KLRD1: variants seen among roughly 807,000 people sequenced by gnomAD.
KLRD1 encodes the protein natural killer cells antigen CD94.
A neutral mutation model predicts 22.6 loss-of-function variants in KLRD1; 21 were observed. That is an observed-to-expected ratio of 0.93 (90% CI 0.66 to 1.34). The LOEUF (loss-of-function observed/expected upper bound fraction) is 1.34. KLRD1 is among the 40% of genes most tolerant of loss of function. The pLI, the probability that KLRD1 is intolerant of heterozygous loss-of-function variation, is 0.00. For missense variants in KLRD1, 183 were observed against 208.6 expected (o/e 0.88, Z 0.76); for synonymous variants, 59 against 71.1 (o/e 0.83, Z 0.85).
intron 1 of KLRD1, among the ~76,000 whole-genome samples, chr12:10,246,423 T>C (rs1949291595): frequency 6.6e-6 from 1 of 152,186 alleles, no homozygotes; most frequent in African/African-American, 2.4e-5. Flanking sequence ...ATGATATAGA[T>C]GAAGTGTGTA....
chr12:10,242,523 A>G (rs911814822), intron 1 of KLRD1, among the ~76,000 whole-genome samples: 2 of 152,146 alleles, frequency 1.3e-5, no homozygotes, highest in East Asian at 1.9e-4. Context: ...TATCTTCAAC[A>G]TATTGATTTC....
chr12:10,292,035 T>G (rs1437417607), intron 1 of KLRD1, among the ~76,000 whole-genome samples: 3 of 152,160 alleles, frequency 2.0e-5, no homozygotes, highest in Non-Finnish European at 4.4e-5. Flanking sequence ...CTTTATTCAG[T>G]CTATCATTGA....
At chr12:10,309,083 T>A (rs961879371) in intron 1 of KLRD1, 8 of 236,070 alleles carry the variant, frequency 3.4e-5, no homozygotes, top group Non-Finnish European at 4.9e-5. Flanking sequence ...CTTGTTAATA[T>A]CTTCTACCTC....
chr12:10,262,959 G>C (rs1329248865), intron 1 of KLRD1, among the ~76,000 whole-genome samples: 2 of 151,994 alleles, frequency 1.3e-5, no homozygotes, highest in Non-Finnish European at 2.9e-5. Context: ...ATTCTAAGCA[G>C]TTAGTTAACC....
chr12:10,308,152 G>T, intron 1 of KLRD1, 68 bp downstream of exon 1: 3 of 1,394,958 alleles, frequency 2.2e-6, no homozygotes, highest in Non-Finnish European at 3.1e-6. Context: ...GGCTGATTTT[G>T]GGGTAATGCT....
chr12:10,289,477 A>AT (rs1392690925), intron 1 of KLRD1, among the ~76,000 whole-genome samples: 5 of 152,248 alleles, frequency 3.3e-5, no homozygotes, highest in Non-Finnish European at 5.9e-5. Flanking sequence ...TTCAAAATGT[A>AT]TGTTGCTAAT....
At chr12:10,303,223 T>G (rs1949882165), upstream of KLRD1, among the ~76,000 whole-genome samples, 1 of 152,218 alleles carries the variant, frequency 6.6e-6, no homozygotes, top group Non-Finnish European at 1.5e-5. Flanking sequence ...ATCTGCCTAC[T>G]CTCATTCACC....
chr12:10,285,147 TGCTAGC>T (rs1281531282), intron 1 of KLRD1, among the ~76,000 whole-genome samples: 2 of 152,206 alleles, frequency 1.3e-5, no homozygotes, highest in Non-Finnish European at 2.9e-5. Context: ...CAGTGTACCA[TGCTAGC>T]AATGTTGCAT....
At chr12:10,255,904 A>G (rs1183282645) in intron 1 of KLRD1, among the ~76,000 whole-genome samples, 1 of 151,956 alleles carries the variant, frequency 6.6e-6, no homozygotes. Context: ...TGTTTTTTGC[A>G]TTATTGGACA....
intron 1 of KLRD1, among the ~76,000 whole-genome samples, chr12:10,269,843 GATT>G (rs1423266602): frequency 3.3e-5 from 5 of 151,952 alleles, no homozygotes; most frequent in Non-Finnish European, 7.4e-5. Context: ...TATTTTGAAA[GATT>G]ATATGTTTCA....
chr12:10,253,553 C>T (rs1056890405), intron 1 of KLRD1, among the ~76,000 whole-genome samples: 1 of 108,510 alleles, frequency 9.2e-6, no homozygotes, highest in Admixed American at 1.2e-4. Flanking sequence ...ACCTTTTCTG[C>T]TCCTCTCCCT....
rs11053721 is a variant in KLRD1 at position 10,269,207 on chromosome 12, G to A, written c.-100-38771G>A. 9.1e-4 allele frequency among the ~76,000 whole-genome samples: 139 copies of A among 152,146 alleles called. 2 individuals are homozygous for A. In the East Asian group the frequency reaches 0.025, roughly 27 times the overall value. On this transcript the variant is annotated intron_variant, in intron 1 of 5. Coordinates refer to the KLRD1 transcript ENST00000544747. The stretch of plus-strand genomic sequence containing the variant: ...ACTTTGCCGCCCCGGCTGGAGTGCA[G>A]TGGTGTGATTTCGGCTCACTGCAAC...
At position 10,316,101 on chromosome 12, in the gene KLRD1, G is replaced by A. The variant is rs868295732; in HGVS notation, c.*1308G>A. 1 of 123,934 alleles carries A rather than the reference G, an allele frequency of 8.1e-6. No individual in the cohort carries two copies. The highest frequency in any genetic ancestry group is 1.6e-5 in the Non-Finnish European group (1 of 63,256). 7.7% of individuals were successfully genotyped at this position (123,934 alleles called of 1,614,324 possible). ...CCACTGCACTCCAGCCTGGGTGACA[G>A]AGCCAGACTCCTCTCCAAAAAAAAA... is the stretch of plus-strand genomic sequence containing the variant. On this transcript the variant is annotated 3_prime_UTR_variant, in exon 6 of 6. Transcript: ENST00000336164.
At chr12:10,257,795 G>C (rs1253551007) in intron 1 of KLRD1, among the ~76,000 whole-genome samples, 1 of 151,708 alleles carries the variant, frequency 6.6e-6, no homozygotes, top group East Asian at 1.9e-4. Context: ...CGTATGCTTT[G>C]AGATTTTTTT....
chr12:10,272,729 A>T (rs1478817614), intron 1 of KLRD1, among the ~76,000 whole-genome samples: 1 of 152,244 alleles, frequency 6.6e-6, no homozygotes, highest in Non-Finnish European at 1.5e-5. Flanking sequence ...CAGTAAGGCT[A>T]ATATGTAAAC....
chr12:10,246,211 A>G (rs552785703), intron 1 of KLRD1, among the ~76,000 whole-genome samples: 2 of 152,296 alleles, frequency 1.3e-5, no homozygotes, highest in South Asian at 2.1e-4. Context: ...CTGGAAAGAT[A>G]TAAGTGCAAA....
chr12:10,273,316 G>A (rs539458313), intron 1 of KLRD1, among the ~76,000 whole-genome samples: 1 of 152,240 alleles, frequency 6.6e-6, no homozygotes, highest in East Asian at 1.9e-4. Flanking sequence ...TTGGTAGAAA[G>A]AATTCTATAA....
chr12:10,312,879 C>T (rs1436062049), intron 4 of KLRD1, among the ~76,000 whole-genome samples: 4 of 151,186 alleles, frequency 2.6e-5, no homozygotes, highest in Non-Finnish European at 5.9e-5. Flanking sequence ...CCCAGCTACT[C>T]GGGAGGCGGA....
chr12:10,253,890 T>C (rs905723432), intron 1 of KLRD1, among the ~76,000 whole-genome samples: 1 of 152,168 alleles, frequency 6.6e-6, no homozygotes, highest in African/African-American at 2.4e-5. Context: ...CACATGCATG[T>C]GTCTTCGTGG....
Sources: allele counts gnomAD v4.1 joint callset (sites outside exome capture counted in the v4.1 genomes callset), GRCh38; gene constraint gnomAD v4.1.1; transcripts MANE v1.5; gene names NCBI Gene and HGNC (gene_info 2026-07-23, HGNC 2026-07-21).